POSTN: variants seen among roughly 807,000 people sequenced by gnomAD.
POSTN encodes osteoblast specific factor 2 (fasciclin I-like).
A neutral mutation model predicts 104.5 loss-of-function variants in POSTN; 71 were observed. The ratio of observed to expected loss-of-function variants is 0.68; its 90% CI spans 0.56 to 0.83. The LOEUF (loss-of-function observed/expected upper bound fraction) is 0.83. Among genes scored for constraint, POSTN ranks in the 40% least tolerant of loss-of-function variants. The pLI is 0.00. For missense variants in POSTN, 949 were observed against 1,006.8 expected (o/e 0.94, Z 0.78); for synonymous variants, 355 against 340.7 (o/e 1.04, Z -0.46).
rs369836959 is a variant in POSTN at position 37,563,374 on chromosome 13, A to C, written c.2474-4T>G. The C allele has an allele frequency of 3.2e-6, 5 of 1,573,354 alleles. No homozygotes were observed. In the African/African-American group the frequency reaches 5.4e-5, roughly 17 times the overall value. Reference sequence around the variant, plus strand: ...TCCCTTAATCGTCTTCTAGATCCTAATTAGAAAGAAAGGAGAATGTATAGA... The same window carrying C: ...TCCCTTAATCGTCTTCTAGATCCTACTTAGAAAGAAAGGAGAATGTATAGA... On this transcript the variant is annotated splice_region_variant and splice_polypyrimidine_tract_variant and intron_variant, in intron 22 of 22. Transcript: ENST00000379747.
intron 2 of POSTN, among the ~76,000 whole-genome samples, chr13:37,595,236 A>G (rs139207877): frequency 4.6e-5 from 7 of 152,258 alleles, no homozygotes; most frequent in Non-Finnish European, 8.8e-5. Context: ...TTAAGTGTGC[A>G]TTTCAAATAT....
chr13:37,569,274 G>A, intron 21 of POSTN, 26 bp downstream of exon 21: 3 of 1,533,152 alleles, frequency 2.0e-6, no homozygotes, highest in South Asian at 1.1e-5. Context: ...CCTGTTAAGG[G>A]GGTTAGTTGT....
Position 37,570,604 on chromosome 13 carries a change from T to A in POSTN, c.2245A>T (p.Thr749Ser). The change falls in exon 19 of 23, where the codon ACA (threonine) becomes TCA (serine). Residue 749 changes from threonine (T) to serine (S), a missense_variant. Coordinates refer to ENST00000379747, the MANE Select transcript of POSTN (RefSeq NM_006475.3). ...GVPVEITEKETREERIITGPE... is the reference protein window; with the variant it reads ...GVPVEITEKESREERIITGPE... Reference sequence around the variant, plus strand: ...CCTGTAATGATTCGTTCTTCTCGTGTCTCTTTTTCAGTTATTTCCACAGGC... The same window carrying A: ...CCTGTAATGATTCGTTCTTCTCGTGACTCTTTTTCAGTTATTTCCACAGGC... 3 of 1,605,272 alleles carry A rather than the reference T, an allele frequency of 1.9e-6. No individual in the cohort carries two copies. The highest frequency in any genetic ancestry group is 2.6e-6 in the Non-Finnish European group (3 of 1,172,462).
chr13:37,585,450 T>C (rs1323130485), intron 7 of POSTN, among the ~76,000 whole-genome samples: 1 of 152,202 alleles, frequency 6.6e-6, no homozygotes, highest in Non-Finnish European at 1.5e-5. Context: ...TAGCTGCTCA[T>C]AGCAGAATAT....
chr13:37,579,311 C>G lies in POSTN; in HGVS notation c.1709G>C (p.Gly570Ala). The G allele has an allele frequency of 6.3e-7, 1 of 1,599,546 alleles. No homozygotes were observed. Among genetic ancestry groups the G allele is most frequent in the Non-Finnish European group, 8.6e-7 (1 of 1,166,926 alleles). Residue 570 changes from glycine to alanine, a missense_variant, in exon 13 of 23, where the codon GGA (glycine) becomes GCA (alanine). Coordinates refer to ENST00000379747, the MANE Select transcript of POSTN (RefSeq NM_006475.3). Reference sequence around the variant, plus strand: ...TTCAAATCCTTTTCCAATGAAAACTCCTGGTGTCAGGTGATAAAGAATGAT... The same window carrying G: ...TTCAAATCCTTTTCCAATGAAAACTGCTGGTGTCAGGTGATAAAGAATGAT... ...QNIILYHLTP[G>A]VFIGKGFEPG... is the part of the protein sequence containing the mutation.
At position 37,583,890 on chromosome 13, in the gene POSTN, G is replaced by T. The variant is rs535247068; in HGVS notation, c.1243+79C>A. On this transcript the variant is annotated intron_variant, in intron 9 of 22. Transcript: ENST00000379747. ...ATCAACACCTCCTAAAACATTTATT[G>T]TTTCTTATTGCAAACAATCATCATA... is the stretch of plus-strand genomic sequence containing the variant. The T allele has an allele frequency of 2.8e-5, 43 of 1,513,670 alleles. No homozygotes were observed. In the South Asian group the frequency reaches 4.4e-4, roughly 16 times the overall value. 93.8% of individuals were successfully genotyped at this position (1,513,670 alleles called of 1,614,324 possible). A position where few individuals can be genotyped will look rare whatever the true frequency, so the allele number is the denominator to read the frequency against.
At chr13:37,577,643 T>G (rs1950447081) in intron 16 of POSTN, 110 bp downstream of exon 16, 2 of 1,434,050 alleles carry the variant, frequency 1.4e-6, no homozygotes, top group African/African-American at 1.4e-5. Flanking sequence ...GGCCATAGTT[T>G]GGAATTCTAA....
rs1173628615 is a variant in POSTN at position 37,563,067 on chromosome 13, T to A, written c.*266A>T. ...GATTTTTCTCTAATGGATTCCAAAGTTAGCCAGAACTTTTAATGTCAAGAT... is the reference window on the plus strand; with the variant it reads ...GATTTTTCTCTAATGGATTCCAAAGATAGCCAGAACTTTTAATGTCAAGAT... On this transcript the variant is annotated 3_prime_UTR_variant, in exon 23 of 23. Transcript: ENST00000379747. 1 of 266,728 alleles carries A rather than the reference T, an allele frequency of 3.7e-6. No individual in the cohort carries two copies. The allele number at this position is 266,728 out of a possible 1,614,324, so 16.5% of individuals were successfully genotyped here.
rs1950795910 is a variant in POSTN at position 37,587,894 on chromosome 13, G to A, written c.534C>T (p.Asp178=). ...AAGGAATAATCATGCCATTTTTTAAGTCCTTGGTCAACATTCTCTTATTAA... is the reference window on the plus strand; with the variant it reads ...AAGGAATAATCATGCCATTTTTTAAATCCTTGGTCAACATTCTCTTATTAA... ...HMINKRMLTK[D]LKNGMIIPSM... Residue 178 remains aspartate (D), a synonymous_variant, in exon 5 of 23, where the codon GAC becomes GAT. Transcript: ENST00000379747. 6.2e-7 allele frequency: 1 copy of A among 1,601,814 alleles called. No individual in the cohort carries two copies. The highest frequency in any genetic ancestry group is 8.5e-7 in the Non-Finnish European group (1 of 1,169,674).
chr13:37,586,951 A>C, intron 5 of POSTN, 23 bp from the exon 6 acceptor site: 1 of 1,610,692 alleles, frequency 6.2e-7, no homozygotes, highest in South Asian at 1.1e-5. Flanking sequence ...GGAAAAATCA[A>C]AGTGCTGAAA....
rs1950704045 is a variant in POSTN at position 37,585,017 on chromosome 13, A to G, written c.896-89T>C. 6 of 1,506,582 alleles carry G rather than the reference A, an allele frequency of 4.0e-6. No individual in the cohort carries two copies. In the South Asian group the frequency reaches 5.3e-5, roughly 13 times the overall value. The allele number at this position is 1,506,582 out of a possible 1,614,324, so 93.3% of individuals were successfully genotyped here. A position where few individuals can be genotyped will look rare whatever the true frequency, so the allele number is the denominator to read the frequency against. ...GATGTGTTTCACTGTGGAACTAAGT[A>G]TTCCTTAAAATGTAGTAAAACCTAA... On this transcript the variant is annotated intron_variant, in intron 7 of 22. Transcript: ENST00000379747.
Position 37,598,661 on chromosome 13 carries a change from G to T in POSTN, c.66C>A (p.Asn22Lys). Reference sequence around the variant, plus strand: ...GAGCCAAGATCTTGTCATAATGATTGTTGGCGTTTATAGGGTTAACAATAA... The same window carrying T: ...GAGCCAAGATCTTGTCATAATGATTTTTGGCGTTTATAGGGTTAACAATAA... ...LLLIVNPINA[N>K]NHYDKILAHS... Residue 22 changes from asparagine (N) to lysine (K), a missense_variant, in exon 1 of 23, where the codon AAC (asparagine) becomes AAA (lysine). Asn to Lys is a moderately conservative substitution (Grantham distance 94). Coordinates refer to ENST00000379747, the MANE Select transcript of POSTN (RefSeq NM_006475.3). 1 of 1,613,580 alleles carries T rather than the reference G, an allele frequency of 6.2e-7. No individual in the cohort carries two copies.
At chr13:37,582,582 A>G (rs760098820) in intron 9 of POSTN, 68 bp from the exon 10 acceptor site, 2 of 1,375,812 alleles carry the variant, frequency 1.5e-6, no homozygotes, top group Non-Finnish European at 2.0e-6. Context: ...TCCCGGTAAG[A>G]CAGAATCATA....
chr13:37,584,021 C>T lies in POSTN; in HGVS notation c.1191G>A (p.Leu397=), dbSNP rs1326393116. 6.2e-7 allele frequency: 1 copy of T among 1,613,928 alleles called. No individual in the cohort carries two copies. Among genetic ancestry groups the T allele is most frequent in the Non-Finnish European group, 8.5e-7 (1 of 1,179,954 alleles). The part of the protein sequence containing the change: ...LVAQLGLASA[L]RPDGEYTLLA... ...GCAAAGTGTATTCTCCATCTGGCCT[C>T]AGAGCAGATGCCAAGCCTAATTGGG... Residue 397 remains leucine, a synonymous_variant, in exon 9 of 23, where the codon CTG becomes CTA. Transcript: ENST00000379747.
chr13:37,593,640 C>T (rs545055802), intron 2 of POSTN, among the ~76,000 whole-genome samples: 1 of 151,276 alleles, frequency 6.6e-6, no homozygotes, highest in East Asian at 2.0e-4. Context: ...GCTTTTTATC[C>T]AGTTGTCTTA....
chr13:37,585,418 A>G (rs1950715461), intron 7 of POSTN, among the ~76,000 whole-genome samples: 1 of 152,172 alleles, frequency 6.6e-6, no homozygotes, highest in Admixed American at 6.6e-5. Context: ...ATTCCAAAAT[A>G]CCCAAGAGCA....
chr13:37,581,556 G>A (rs1950589526), intron 10 of POSTN, among the ~76,000 whole-genome samples: 1 of 152,050 alleles, frequency 6.6e-6, no homozygotes, highest in Non-Finnish European at 1.5e-5. Context: ...CCTGTCTCAA[G>A]AAAAATTAAA....
At position 37,564,531 on chromosome 13, in the gene POSTN, T is replaced by A; in HGVS notation, c.2461A>T (p.Lys821Ter). 1 of 1,601,378 alleles carries A rather than the reference T, an allele frequency of 6.2e-7. No individual in the cohort carries two copies. Among genetic ancestry groups the A allele is most frequent in the African/African-American group, 1.3e-5 (1 of 74,726 alleles). ...CCAATACACTTACCTTGAACTTTTT[T>A]GTTGGCTTGCAACTTCCTCACGGGT... ...DTPVRKLQANKKVQGSRRRLR... is the reference protein window; with the variant it reads ...DTPVRKLQAN The change falls in exon 22 of 23, where the codon AAA becomes TAA. Residue 821 changes from lysine (K) to a stop codon, truncating the protein, a stop_gained. Transcript: ENST00000379747. LOFTEE classifies it high-confidence loss of function.
chr13:37,564,483 GC>G, intron 22 of POSTN, 35 bp downstream of exon 22: 2 of 1,236,872 alleles, frequency 1.6e-6, no homozygotes, highest in Non-Finnish European at 2.3e-6. Flanking sequence ...AACAAAAGAG[GC>G]CATATACACA....
Sources: allele counts gnomAD v4.1 joint callset (sites outside exome capture counted in the v4.1 genomes callset), GRCh38; gene constraint gnomAD v4.1.1; transcripts MANE v1.5; gene names NCBI Gene and HGNC (gene_info 2026-07-23, HGNC 2026-07-21).